The following CCDC14 variants were observed in gnomAD, a reference collection of about 807,000 sequenced individuals.
The protein encoded by CCDC14 is coiled-coil domain-containing protein 14.
Under a neutral mutation model 81.4 loss-of-function variants are expected in CCDC14, and 71 were observed. That is an observed-to-expected ratio of 0.87 (90% CI 0.72 to 1.06). The LOEUF (loss-of-function observed/expected upper bound fraction) is 1.06, where lower values mean the gene tolerates loss of function less well. CCDC14 is among the 50% of genes least tolerant of loss of function. CCDC14 has a pLI of 0.00. For synonymous variants in CCDC14, 332 were observed against 364.8 expected, an observed-to-expected ratio of 0.91 and a Z score of 1.03; for missense variants, 1,046 against 1,047.3, an observed-to-expected ratio of 1.00 and a Z score of 0.02.
chr3:123,906,056 C>A (rs572095252), intron 5 of CCDC14, among the ~76,000 whole-genome samples: 1 of 152,164 alleles, frequency 6.6e-6, no homozygotes, highest in African/African-American at 2.4e-5. Flanking sequence ...TCAGGCCGGG[C>A]GCAGTGCTCA....
intron 12 of CCDC14, among the ~76,000 whole-genome samples, chr3:123,922,006 A>C (rs1304578085): frequency 6.6e-6 from 1 of 152,220 alleles, no homozygotes. Flanking sequence ...AACAAATTTA[A>C]GGAGACTAGA....
At chr3:123,931,071 G>T in intron 12 of CCDC14, 31 bp downstream of exon 12, 1 of 1,518,554 alleles carries the variant, frequency 6.6e-7, no homozygotes, top group East Asian at 2.3e-5. Flanking sequence ...AATAAAAAAG[G>T]CATGAGTTAT....
chr3:123,887,485 A>C, the CCDC14 span, among the ~76,000 whole-genome samples: 70,295 of 151,286 alleles, frequency 0.46, 18,453 homozygotes, highest in Non-Finnish European at 0.62. Flanking sequence ...AACAACAAAA[A>C]AAAAAAACAC....
rs544496499 is a variant in CCDC14 at position 123,948,978 on chromosome 3, C to T, written c.507G>A (p.Gln169=). ...AAGTCAAGTCATTCATCAGTGACAT[C>T]TGAGTCTGCACGTGCTCACAGAGGG... The part of the protein sequence containing the change: ...YQALCEHVQT[Q]MSLMNDLTSK... The change falls in exon 6 of 13, where the codon CAG becomes CAA. Residue 169 remains glutamine (Q), a synonymous_variant. Coordinates refer to ENST00000409697, the MANE Select transcript of CCDC14 (RefSeq NM_001366335.1). The T allele has an allele frequency of 6.2e-6, 10 of 1,613,852 alleles. No homozygotes were observed. The highest frequency in any genetic ancestry group is 8.5e-6 in the Non-Finnish European group (10 of 1,179,888).
rs2037313860 is a variant in CCDC14 at position 123,956,115 on chromosome 3, C to T, written c.160G>A (p.Ala54Thr). The T allele has an allele frequency of 6.5e-7, 1 of 1,541,298 alleles. No homozygotes were observed. Among genetic ancestry groups the T allele is most frequent in the Non-Finnish European group, 8.7e-7 (1 of 1,143,826 alleles). The change falls in exon 4 of 13, where the codon GCT becomes ACT. Residue 54 changes from alanine (A) to threonine (T), a missense_variant and splice_region_variant. Ala to Thr is a moderately conservative substitution (Grantham distance 58, BLOSUM62 0). Transcript: ENST00000409697. ...YSIHSDSESQ[A>T]ETVHGLDGCA... The stretch of plus-strand genomic sequence containing the variant: ...CCATCAAGCCCGTGTACAGTTTCAG[C>T]CTGTAAGAAATAAAGTCATTTAGAA...
At chr3:123,934,864 G>A (rs1187391102) in intron 9 of CCDC14, among the ~76,000 whole-genome samples, 1 of 152,104 alleles carries the variant, frequency 6.6e-6, no homozygotes, top group Non-Finnish European at 1.5e-5. Flanking sequence ...GATAAAATAT[G>A]TAAACAAAAC....
Position 123,955,858 on chromosome 3 carries a change from CT to C in CCDC14, c.336del (p.Val113SerfsTer29). ...KRHEKHTIPL[V>X]VQKETSSSDN... ...AAAGGCTTACATGTTTCTTTCTGGA[CT>C]ACCAAAGGAATAGTATGTTTTTCAT... On this transcript the variant is annotated frameshift_variant, in exon 5 of 13. Coordinates refer to ENST00000409697, the MANE Select transcript of CCDC14 (RefSeq NM_001366335.1). LOFTEE classifies it high-confidence loss of function. 2 of 1,520,902 alleles carry C rather than the reference CT, an allele frequency of 1.3e-6. No homozygotes were observed. The highest frequency in any genetic ancestry group is 1.8e-6 in the Non-Finnish European group (2 of 1,133,836). 94.2% of individuals were successfully genotyped at this position (1,520,902 alleles called of 1,614,324 possible).
At chr3:123,909,989 T>G (rs972484111), downstream of CCDC14, among the ~76,000 whole-genome samples, 5 of 152,334 alleles carry the variant, frequency 3.3e-5, no homozygotes, top group African/African-American at 1.2e-4. Flanking sequence ...ATTTCATTAT[T>G]CATGGCCTCT....
chr3:123,924,232 C>T (rs2035229120), intron 12 of CCDC14, among the ~76,000 whole-genome samples: 1 of 151,894 alleles, frequency 6.6e-6, no homozygotes, highest in Admixed American at 6.6e-5. Context: ...ACTGGAGATC[C>T]ACGTACAGAA....
At chr3:123,938,688 T>C (rs1190161637) in intron 9 of CCDC14, among the ~76,000 whole-genome samples, 2 of 151,960 alleles carry the variant, frequency 1.3e-5, no homozygotes, top group Non-Finnish European at 2.9e-5. Context: ...TTCTCCAGCA[T>C]ATGCAGAGAC....
Position 123,949,089 on chromosome 3 carries a change from A to C in CCDC14, c.396T>G (p.Ala132=), listed in dbSNP as rs1445301238. Residue 132 remains alanine (A), a synonymous_variant, in exon 6 of 13, where the codon GCT becomes GCG. Transcript: ENST00000409697. Reference sequence around the variant, plus strand: ...GGTCTGATGTGTCTCTTTCACTTCTAGCAGAAGCTTCATTAGGTATCTGTT... The same window carrying C: ...GGTCTGATGTGTCTCTTTCACTTCTCGCAGAAGCTTCATTAGGTATCTGTT... ...NKKQIPNEAS[A]RSERDTSDLE... 1 of 1,611,478 alleles carries C rather than the reference A, an allele frequency of 6.2e-7. No homozygotes were observed. Among genetic ancestry groups the C allele is most frequent in the Non-Finnish European group, 8.5e-7 (1 of 1,178,412 alleles).
At position 123,914,100 on chromosome 3, in the gene CCDC14, T is replaced by C. The variant is rs1347157391; in HGVS notation, c.*679A>G. The C allele has an allele frequency of 1.4e-5, 14 of 985,784 alleles. No homozygotes were observed. Among genetic ancestry groups the C allele is most frequent in the Non-Finnish European group, 1.7e-5 (14 of 829,848 alleles). The allele number at this position is 985,784 out of a possible 1,614,324, so 61.1% of individuals were successfully genotyped here. The stretch of plus-strand genomic sequence containing the variant: ...CAAATTTCCCCAACTATAGCTTATC[T>C]GTTAGCACTTCTTTATCAGTCTGAC... On this transcript the variant is annotated 3_prime_UTR_variant, in exon 13 of 13. Coordinates refer to ENST00000409697, the MANE Select transcript of CCDC14 (RefSeq NM_001366335.1).
chr3:123,953,445 T>C (rs1293920048), intron 5 of CCDC14: 1 of 152,192 alleles, frequency 6.6e-6, no homozygotes, highest in African/African-American at 2.4e-5. Context: ...CAATGGGAAC[T>C]AGGGTGAATG....
At chr3:123,927,750 T>A (rs111584042) in intron 12 of CCDC14, among the ~76,000 whole-genome samples, 154 of 152,250 alleles carry the variant, frequency 1.0e-3, no homozygotes, top group African/African-American at 3.5e-3. Flanking sequence ...TAGCAAGAAT[T>A]AATGAACTTT....
intron 10 of CCDC14, among the ~76,000 whole-genome samples, 188 bp from the exon 11 acceptor site, chr3:123,931,714 CT>C (rs1356853817): frequency 6.6e-6 from 1 of 151,840 alleles, no homozygotes; most frequent in Non-Finnish European, 1.5e-5. Flanking sequence ...GAAGTCATAC[CT>C]TTCTTTTCCA....
rs1413578536 is a variant in CCDC14 at position 123,961,215 on chromosome 3, C to G, written c.-42G>C. ...GAAGCCCAGACCGAGGGAAGTGAAGCCTCACGGTAAAAAGAATTAACCGCC... is the reference window on the plus strand; with the variant it reads ...GAAGCCCAGACCGAGGGAAGTGAAGGCTCACGGTAAAAAGAATTAACCGCC... On this transcript the variant is annotated 5_prime_UTR_variant, in exon 1 of 13. Transcript: ENST00000409697. 1.3e-6 allele frequency: 2 copies of G among 1,551,620 alleles called. No individual in the cohort carries two copies. Among genetic ancestry groups the G allele is most frequent in the Admixed American group, 2.0e-5 (1 of 51,010 alleles).
intron 9 of CCDC14, among the ~76,000 whole-genome samples, chr3:123,938,876 A>T (rs2036198292): frequency 6.6e-6 from 1 of 151,980 alleles, no homozygotes; most frequent in Non-Finnish European, 1.5e-5. Context: ...TTCCTAAGTA[A>T]TCTAAAATTT....
chr3:123,905,888 C>T (rs6438817), intron 5 of CCDC14, among the ~76,000 whole-genome samples: 16,086 of 152,066 alleles, frequency 0.11, 2,013 homozygotes, highest in East Asian at 0.47. Flanking sequence ...ACACATTTAA[C>T]AAGATAAGGG....
intron 5 of CCDC14, chr3:123,949,644 C>T (rs2036893547): frequency 6.5e-6 from 1 of 154,262 alleles, no homozygotes; most frequent in East Asian, 1.9e-4. Flanking sequence ...TTCCAACTAT[C>T]GCCCCATCAC....
Sources: gnomAD v4.1 joint callset for allele counts (sites outside exome capture counted in the v4.1 genomes callset) on GRCh38, gnomAD v4.1.1 for gene constraint, MANE v1.5 for transcripts, NCBI Gene and HGNC (gene_info 2026-07-23, HGNC 2026-07-21) for gene names.